Variants in FBXO42 observed in about 807,000 individuals in gnomAD.
FBXO42 encodes F-box only protein 42.
A neutral mutation model predicts 71.7 loss-of-function variants in FBXO42; 12 were observed. The ratio of observed to expected loss-of-function variants is 0.17; its 90% confidence interval spans 0.11 to 0.27. The LOEUF is 0.27. Ranked by LOEUF, FBXO42 falls within the 10% of genes least tolerant of loss-of-function variation. The pLI is 1.00. For synonymous variants in FBXO42, 325 were observed against 327.5 expected (o/e 0.99, Z 0.08); for missense variants, 707 against 911.9 (o/e 0.78, Z 2.89).
At position 16,252,998 on chromosome 1, in the gene FBXO42, G is replaced by T; in HGVS notation, c.921+98C>A. ...AGCATTCCTTAAATTAAAATGCCATGGAAATAGTCTTGTATACTCCTAGAA... is the reference window on the plus strand; with the variant it reads ...AGCATTCCTTAAATTAAAATGCCATTGAAATAGTCTTGTATACTCCTAGAA... On this transcript the variant is annotated intron_variant, in intron 8 of 9. Transcript: ENST00000375592. This position sits in a 1 kb window ranked among gnomAD's most constrained non-coding sequence, Gnocchi z 4.4. The T allele has an allele frequency of 9.8e-7, 1 of 1,015,850 alleles. No homozygotes were observed. Among genetic ancestry groups the T allele is most frequent in the Non-Finnish European group, 1.4e-6 (1 of 696,120 alleles). The allele number at this position is 1,015,850 out of a possible 1,614,324, so 62.9% of individuals were successfully genotyped here.
At chr1:16,275,126 T>C (rs2047369) in intron 4 of FBXO42, among the ~76,000 whole-genome samples, 53,014 of 151,862 alleles carry the variant, frequency 0.35, 9,713 homozygotes, top group African/African-American at 0.41. Context: ...ATATGTAAAT[T>C]CAATAGCAAG....
intron 3 of FBXO42, among the ~76,000 whole-genome samples, chr1:16,298,555 G>C (rs1296947678): frequency 6.6e-6 from 1 of 152,082 alleles, no homozygotes; most frequent in East Asian, 1.9e-4. Context: ...TGTCACCCAG[G>C]CTGGAGTGCA....
At chr1:16,350,903 G>A (rs1338076741) in intron 1 of FBXO42, among the ~76,000 whole-genome samples, 1 of 151,918 alleles carries the variant, frequency 6.6e-6, no homozygotes, top group Non-Finnish European at 1.5e-5. Flanking sequence ...ATTTATACTG[G>A]CTTGTCAAAA....
At chr1:16,341,344 G>A (rs751120942) in intron 1 of FBXO42, among the ~76,000 whole-genome samples, 1 of 152,210 alleles carries the variant, frequency 6.6e-6, no homozygotes, top group Non-Finnish European at 1.5e-5. Flanking sequence ...GCTCATGCCT[G>A]TAATCCCAAC....
At position 16,313,324 on chromosome 1, in the gene FBXO42, C is replaced by CAAAGAAAGAAAGAAAG. The variant is rs57296538; in HGVS notation, c.250+1829_250+1844dup. Among the ~76,000 whole-genome samples the CAAAGAAAGAAAGAAAG allele has an allele frequency of 3.8e-3, 525 of 137,808 alleles. 3 individuals carry two copies. Among genetic ancestry groups the CAAAGAAAGAAAGAAAG allele is most frequent in the African/African-American group, 0.013 (448 of 35,142 alleles). The allele number at this position is 137,808 out of a possible 152,430, so 90.4% of individuals were successfully genotyped here. On this transcript the variant is annotated intron_variant, in intron 2 of 9. Transcript: ENST00000375592. ...AGAAAGAAAGAAAGAGAAAAGAAAA[C>CAAAGAAAGAAAGAAAG]AAAGAAAGAAAGAAAGAAAGAAAGA... is the stretch of plus-strand genomic sequence containing the variant.
chr1:16,345,885 A>AAAACGACT (rs1340332064), intron 1 of FBXO42, among the ~76,000 whole-genome samples: 1 of 152,052 alleles, frequency 6.6e-6, no homozygotes, highest in African/African-American at 2.4e-5. Context: ...TCTTCTTAGA[A>AAAACGACT]AAACGACTAA....
intron 3 of FBXO42, among the ~76,000 whole-genome samples, chr1:16,299,035 CAG>C (rs1268958519): frequency 2.0e-5 from 3 of 151,104 alleles, no homozygotes; most frequent in Non-Finnish European, 4.4e-5. Context: ...TTCCTCGAGA[CAG>C]AGTCTTGCTC....
In FBXO42 at chr1:16,251,055, CTCCCAGG is replaced by C; in HGVS notation, c.1762_1768del (p.Pro588AlafsTer4). The C allele has an allele frequency of 6.2e-7, 1 of 1,614,194 alleles. No homozygotes were observed. Among genetic ancestry groups the C allele is most frequent in the Non-Finnish European group, 8.5e-7 (1 of 1,180,038 alleles). On this transcript the variant is annotated frameshift_variant, in exon 10 of 10. Coordinates refer to ENST00000375592, the MANE Select transcript of FBXO42 (RefSeq NM_018994.3). LOFTEE classifies it high-confidence loss of function. This position sits in a 1 kb window ranked among gnomAD's most constrained non-coding sequence, Gnocchi z 4.5. ...TGTTTCTCCACTGCTCAAACTCTGG[CTCCCAGG>C]AGAGCCTGGAGAAGACCCAAGAGGA...
chr1:16,293,663 G>A (rs1431744020), intron 4 of FBXO42: 2 of 152,158 alleles, frequency 1.3e-5, no homozygotes, highest in African/African-American at 4.8e-5. Flanking sequence ...GCCTAATGTA[G>A]GTGGAAAGAA....
Position 16,294,893 on chromosome 1 carries a change from T to A in FBXO42, c.392A>T (p.Gln131Leu), listed in dbSNP as rs761960269. Residue 131 changes from glutamine (Q) to leucine (L), a missense_variant, in exon 4 of 10, where the codon CAG (glutamine) becomes CTG (leucine). Around this residue, in one of 5 missense-constraint regions of FBXO42, gnomAD observed 188 missense variants for 230.5 expected, o/e 0.82. Coordinates refer to ENST00000375592, the MANE Select transcript of FBXO42 (RefSeq NM_018994.3). Reference protein sequence around the residue: ...SHSACYYDANQSMYVFGGCTQ... With the variant: ...SHSACYYDANLSMYVFGGCTQ... ...ACAGCCTCCAAACACATACATAGAC[T>A]GATTAGCATCATAATAGCATGCACC... 1 of 1,610,034 alleles carries A rather than the reference T, an allele frequency of 6.2e-7. No individual in the cohort carries two copies. Among genetic ancestry groups the A allele is most frequent in the South Asian group, 1.1e-5 (1 of 90,154 alleles).
At chr1:16,314,278 G>A (rs1007407871) in intron 2 of FBXO42, among the ~76,000 whole-genome samples, 5 of 152,168 alleles carry the variant, frequency 3.3e-5, no homozygotes, top group African/African-American at 1.2e-4. Flanking sequence ...AGTAAAAGAT[G>A]TATATAGGGT....
intron 3 of FBXO42, among the ~76,000 whole-genome samples, chr1:16,300,095 A>G (rs2082175448): frequency 6.6e-6 from 1 of 152,070 alleles, no homozygotes; most frequent in Non-Finnish European, 1.5e-5. Flanking sequence ...AATTTGAGCA[A>G]CTCCCAGTGC....
intron 3 of FBXO42, among the ~76,000 whole-genome samples, chr1:16,295,718 C>T (rs905982235): frequency 7.2e-5 from 11 of 152,048 alleles, no homozygotes; most frequent in African/African-American, 2.7e-4. Context: ...ATATGACACA[C>T]AATGAAATGA....
chr1:16,253,424 A>G (rs1380284188), intron 7 of FBXO42: 1 of 596,204 alleles, frequency 1.7e-6, no homozygotes, highest in East Asian at 2.8e-5. Flanking sequence ...ATGACACAGC[A>G]AAGTAAATGC....
intron 4 of FBXO42, among the ~76,000 whole-genome samples, chr1:16,278,020 T>C (rs1268725357): frequency 1.2e-4 from 17 of 147,170 alleles, no homozygotes; most frequent in African/African-American, 4.3e-4. Context: ...CCAGCCTGGG[T>C]GATGGAGTGA....
intron 1 of FBXO42, among the ~76,000 whole-genome samples, chr1:16,333,437 C>CT (rs1491163766): frequency 3.8e-5 from 1 of 26,134 alleles, no homozygotes; most frequent in East Asian, 2.9e-3. Flanking sequence ...AATAGTGAGA[C>CT]CCCCCCCCCC....
chr1:16,284,694 G>T lies in FBXO42; in HGVS notation c.502+10089C>A, dbSNP rs190358537. On this transcript the variant is annotated intron_variant, in intron 4 of 9. Coordinates refer to ENST00000375592, the MANE Select transcript of FBXO42 (RefSeq NM_018994.3). The stretch of plus-strand genomic sequence containing the variant: ...AAAATACAAAAAAATTAGGCCAGGC[G>T]CAGGGACTCATGCCTGTAATTCCAG... Among the ~76,000 whole-genome samples, 20 of 152,192 alleles carry T rather than the reference G, an allele frequency of 1.3e-4. No individual in the cohort carries two copies. The South Asian group carries it at 3.7e-3, about 28-fold the overall frequency.
At chr1:16,338,804 CTTTT>C (rs71574177) in intron 1 of FBXO42, among the ~76,000 whole-genome samples, 13 of 80,960 alleles carry the variant, frequency 1.6e-4, no homozygotes, top group Non-Finnish European at 2.5e-4. Flanking sequence ...TTCCATTTGT[CTTTT>C]TTTTTTTTTT....
chr1:16,329,358 T>A (rs966184808), intron 1 of FBXO42, among the ~76,000 whole-genome samples: 1 of 150,448 alleles, frequency 6.6e-6, no homozygotes. Context: ...CTGAGGCGGG[T>A]GGAGTGCCTG....
Sources: gnomAD v4.1 joint callset for allele counts (sites outside exome capture counted in the v4.1 genomes callset) on GRCh38, gnomAD v4.1.1 for gene constraint, gnomAD v4.1.1 regional missense constraint, Gnocchi (gnomAD v3.1) non-coding constraint, MANE v1.5 for transcripts, NCBI Gene and HGNC (gene_info 2026-07-23, HGNC 2026-07-21) for gene names.